The following LRRTM3 variants were observed in gnomAD, a reference collection of about 807,000 sequenced individuals.
The protein encoded by LRRTM3 is leucine rich repeat transmembrane neuronal 3.
A neutral mutation model predicts 44.7 loss-of-function variants in LRRTM3; 24 were observed. The observed-to-expected ratio is 0.54, with a 90% CI of 0.39 to 0.76. The LOEUF is 0.76. Ranked by LOEUF, LRRTM3 falls within the 30% of genes least tolerant of loss-of-function variation. LRRTM3 has a pLI of 0.00. For missense variants in LRRTM3, 587 were observed against 702.2 expected, an observed-to-expected ratio of 0.84 and a Z score of 1.85; for synonymous variants, 277 against 278.7, an observed-to-expected ratio of 0.99 and a Z score of 0.06.
At chr10:66,958,029 G>A (rs1475169184) in intron 2 of LRRTM3, among the ~76,000 whole-genome samples, 1 of 151,862 alleles carries the variant, frequency 6.6e-6, no homozygotes. Flanking sequence ...AGAACTAGAG[G>A]GGCCAAAAGC....
In LRRTM3 at chr10:67,016,536, C is replaced by T. The variant is rs557664628; in HGVS notation, c.1537-81051C>T. Among the ~76,000 whole-genome samples, 114 of 152,226 alleles carry T rather than the reference C, an allele frequency of 7.5e-4. 3 individuals carry two copies. The South Asian group carries it at 0.018, about 24-fold the overall frequency. On this transcript the variant is annotated intron_variant, in intron 2 of 2. Transcript: ENST00000361320. ...TTGTTGGCAGAAAGTCCCTCTGAGG[C>T]TTCCCTTCCCTACCATTCTAGAGTC... is the stretch of plus-strand genomic sequence containing the variant.
intron 2 of LRRTM3, among the ~76,000 whole-genome samples, chr10:67,078,630 C>T (rs545052942): frequency 6.6e-6 from 1 of 152,170 alleles, no homozygotes; most frequent in African/African-American, 2.4e-5. Context: ...AATTCTCCTG[C>T]CTCAGCCTCC....
At chr10:66,945,624 A>G (rs1407919021) in intron 2 of LRRTM3, among the ~76,000 whole-genome samples, 1 of 152,140 alleles carries the variant, frequency 6.6e-6, no homozygotes, top group Non-Finnish European at 1.5e-5. Flanking sequence ...TTTCCTTTGC[A>G]CTAACAACTT....
In LRRTM3 at chr10:66,928,159, A is replaced by T. The variant is rs760924532; in HGVS notation, c.1243A>T (p.Ile415Phe). ...GPETDADAEH[I>F]SFHKIIAGSV... The stretch of plus-strand genomic sequence containing the variant: ...AGAGACCGATGCTGACGCCGAGCAC[A>T]TCTCTTTCCATAAAATCATCGCGGG... The change falls in exon 2 of 3, where the codon ATC (isoleucine) becomes TTC (phenylalanine). Residue 415 changes from isoleucine (I) to phenylalanine (F), a missense_variant. Around this residue, in one of 3 missense-constraint regions of LRRTM3, gnomAD observed 315 missense variants for 335.6 expected, o/e 0.94. Transcript: ENST00000361320. 6 of 1,613,930 alleles carry T rather than the reference A, an allele frequency of 3.7e-6. No homozygotes were observed. In the East Asian group the frequency reaches 6.7e-5, roughly 18 times the overall value.
At position 66,928,257 on chromosome 10, in the gene LRRTM3, G is replaced by A. The variant is rs1847186262; in HGVS notation, c.1341G>A (p.Ala447=). Residue 447 remains alanine (A), a synonymous_variant, in exon 2 of 3, where the codon GCG becomes GCA. Coordinates refer to ENST00000361320, the MANE Select transcript of LRRTM3 (RefSeq NM_178011.5). Reference sequence around the variant, plus strand: ...ACGTGTCATGGAAGCGGTACCCTGCGAGCATGAAGCAGCTGCAGCAGCGCT... The same window carrying A: ...ACGTGTCATGGAAGCGGTACCCTGCAAGCATGAAGCAGCTGCAGCAGCGCT... ...VIYVSWKRYP[A]SMKQLQQRSL... The A allele has an allele frequency of 6.2e-7, 1 of 1,614,070 alleles. No individual in the cohort carries two copies. The highest frequency in any genetic ancestry group is 8.5e-7 in the Non-Finnish European group (1 of 1,180,028).
At chr10:67,058,483 T>C (rs1038410259) in intron 2 of LRRTM3, among the ~76,000 whole-genome samples, 12 of 152,188 alleles carry the variant, frequency 7.9e-5, no homozygotes, top group Admixed American at 7.9e-4. Flanking sequence ...TGAAGTAAAT[T>C]ACAGCATTTT....
chr10:66,993,353 A>G (rs1332788023), intron 2 of LRRTM3, among the ~76,000 whole-genome samples: 1 of 152,134 alleles, frequency 6.6e-6, no homozygotes, highest in Non-Finnish European at 1.5e-5. Flanking sequence ...TTCTATTCCT[A>G]CAAGTTGATT....
At chr10:67,090,096 G>C (rs2131905828) in intron 2 of LRRTM3, among the ~76,000 whole-genome samples, 1 of 151,940 alleles carries the variant, frequency 6.6e-6, no homozygotes, top group Non-Finnish European at 1.5e-5. Flanking sequence ...GTCAACACAG[G>C]GATCTAACTT....
At chr10:67,068,862 C>A (rs1239399293) in intron 2 of LRRTM3, among the ~76,000 whole-genome samples, 1 of 151,966 alleles carries the variant, frequency 6.6e-6, no homozygotes, top group African/African-American at 2.4e-5. Context: ...GAGTTCAAGA[C>A]CAGCCTGGCC....
rs892227116 is a variant in LRRTM3, at chr10:67,101,350, G to A, written c.*3554G>A. 2.0e-5 allele frequency among the ~76,000 whole-genome samples: 3 copies of A among 151,574 alleles called. No homozygotes were observed. The highest frequency in any genetic ancestry group is 7.3e-5 in the African/African-American group (3 of 41,330). On this transcript the variant is annotated 3_prime_UTR_variant, in exon 3 of 3. Transcript: ENST00000361320. ...CACATGTTCAATTCGGAGCTAATTG[G>A]GAAGACTTACATAAAATTCTTTTTC...
At position 67,024,298 on chromosome 10, in the gene LRRTM3, G is replaced by C. The variant is rs117840181; in HGVS notation, c.1537-73289G>C. Among the ~76,000 whole-genome samples, 401 of 152,256 alleles carry C rather than the reference G, an allele frequency of 2.6e-3. 15 individuals are homozygous for C. In the East Asian group the frequency reaches 0.067, roughly 25 times the overall value. On this transcript the variant is annotated intron_variant, in intron 2 of 2. Transcript: ENST00000361320. ...TGTTCTCGTAGAGTCTGACTTTACT[G>C]CTTCTGTCTTTATATTTTTTCTCTC... is the stretch of plus-strand genomic sequence containing the variant.
rs983740932 is a variant in LRRTM3, at chr10:67,100,089, C to T, written c.*2293C>T. On this transcript the variant is annotated 3_prime_UTR_variant, in exon 3 of 3. Transcript: ENST00000361320. ...ATTTGTTAATAAATAGGTTTATCTA[C>T]TAATAAACCTATTTCTAGACACATT... is the stretch of plus-strand genomic sequence containing the variant. Among the ~76,000 whole-genome samples the T allele has an allele frequency of 2.0e-5, 3 of 151,710 alleles. No individual in the cohort carries two copies. The highest frequency in any genetic ancestry group is 7.3e-5 in the African/African-American group (3 of 41,374).
At position 67,100,772 on chromosome 10, in the gene LRRTM3, T is replaced by C. The variant is rs1366919708; in HGVS notation, c.*2976T>C. 1.3e-5 allele frequency among the ~76,000 whole-genome samples: 2 copies of C among 151,720 alleles called. No individual in the cohort carries two copies. Among genetic ancestry groups the C allele is most frequent in the African/African-American group, 2.4e-5 (1 of 41,394 alleles). On this transcript the variant is annotated 3_prime_UTR_variant, in exon 3 of 3. Transcript: ENST00000361320. ...CATAAATTATCTCATTTTGTCTTCA[T>C]AACAACCCTATGAAGACACATTAAT...
chr10:67,021,151 T>C (rs1376744204), intron 2 of LRRTM3, among the ~76,000 whole-genome samples: 1 of 152,180 alleles, frequency 6.6e-6, no homozygotes, highest in Non-Finnish European at 1.5e-5. Flanking sequence ...AGTCAGGCTA[T>C]TGAAAGTAAT....
chr10:67,092,879 T>C (rs541747847), intron 2 of LRRTM3, among the ~76,000 whole-genome samples: 1 of 152,126 alleles, frequency 6.6e-6, no homozygotes, highest in Admixed American at 6.6e-5. Flanking sequence ...AAATTATTCC[T>C]AAGGGAATTT....
rs923386880 is a variant in LRRTM3 at position 67,069,562 on chromosome 10, A to G, written c.1537-28025A>G. Among the ~76,000 whole-genome samples, 137 of 23,206 alleles carry G rather than the reference A, an allele frequency of 5.9e-3. 1 individual carries two copies. Among genetic ancestry groups the G allele is most frequent in the African/African-American group, 0.025 (133 of 5,236 alleles). 15.2% of individuals were successfully genotyped at this position (23,206 alleles called of 152,430 possible). A position where few individuals can be genotyped will look rare whatever the true frequency, so the allele number is the denominator to read the frequency against. ...TACAAGGTGTACAGCAGCCCGCCCC[A>G]CCCCACCCCACCCCACCCCACCCAG... On this transcript the variant is annotated intron_variant, in intron 2 of 2. Coordinates refer to ENST00000361320, the MANE Select transcript of LRRTM3 (RefSeq NM_178011.5).
chr10:67,062,201 AG>A (rs201643679), intron 2 of LRRTM3, among the ~76,000 whole-genome samples: 1 of 37,878 alleles, frequency 2.6e-5, no homozygotes, highest in Non-Finnish European at 5.3e-5. Context: ...AAACCCACAG[AG>A]AGTAAATTGT....
chr10:67,012,311 G>A (rs1399411503), intron 2 of LRRTM3: 1 of 152,112 alleles, frequency 6.6e-6, no homozygotes, highest in East Asian at 1.9e-4. Context: ...AAATAGAAAT[G>A]CCACCACCTC....
At chr10:67,088,342 A>C (rs1857425511) in intron 2 of LRRTM3, among the ~76,000 whole-genome samples, 1 of 151,994 alleles carries the variant, frequency 6.6e-6, no homozygotes, top group Admixed American at 6.6e-5. Flanking sequence ...TGTAGACATT[A>C]GCATGTGAAT....
Sources: allele counts gnomAD v4.1 joint callset (sites outside exome capture counted in the v4.1 genomes callset), GRCh38; gene constraint gnomAD v4.1.1; regional missense constraint gnomAD v4.1.1; transcripts MANE v1.5; gene names NCBI Gene and HGNC (gene_info 2026-07-23, HGNC 2026-07-21).